Variants in SORCS3 observed in about 807,000 individuals in gnomAD.
The protein encoded by SORCS3 is VPS10 domain-containing receptor SorCS3.
A neutral mutation model predicts 146.3 loss-of-function variants in SORCS3; 57 were observed. The ratio of observed to expected loss-of-function variants is 0.39; its 90% CI spans 0.31 to 0.49. The LOEUF (loss-of-function observed/expected upper bound fraction) is 0.49. Among genes scored for constraint, SORCS3 ranks in the 20% least tolerant of loss-of-function variants. The probability of loss-of-function intolerance (pLI) is 0.92; values close to 1 mark genes in which losing one functional copy is unlikely to be tolerated. For missense variants in SORCS3, 1,341 were observed against 1,575.5 expected, an observed-to-expected ratio of 0.85 and a Z score of 2.52; for synonymous variants, 653 against 618.5, an observed-to-expected ratio of 1.06 and a Z score of -0.83.
At chr10:105,018,542 T>C (rs572782469) in intron 4 of SORCS3, among the ~76,000 whole-genome samples, 7 of 152,204 alleles carry the variant, frequency 4.6e-5, no homozygotes, top group Admixed American at 3.3e-4. Flanking sequence ...ACAACAAATA[T>C]AAAACACAGA....
intron 1 of SORCS3, among the ~76,000 whole-genome samples, chr10:104,830,660 G>A (rs956261965): frequency 6.6e-6 from 1 of 152,202 alleles, no homozygotes; most frequent in African/African-American, 2.4e-5. Context: ...TTTTAGAAAT[G>A]TAATTTGCAG....
At chr10:104,642,650 A>G (rs529588518) in intron 1 of SORCS3, among the ~76,000 whole-genome samples, 1 of 152,286 alleles carries the variant, frequency 6.6e-6, no homozygotes, top group African/African-American at 2.4e-5. Context: ...ACACCCATCC[A>G]GCGCTCATGC....
intron 1 of SORCS3, among the ~76,000 whole-genome samples, chr10:104,698,985 A>G (rs1307746127): frequency 1.3e-5 from 2 of 152,178 alleles, no homozygotes; most frequent in African/African-American, 2.4e-5. Context: ...CTATCACACT[A>G]TAAGCTCCAA....
At chr10:104,843,863 T>C (rs1380691064) in intron 2 of SORCS3, among the ~76,000 whole-genome samples, 1 of 152,184 alleles carries the variant, frequency 6.6e-6, no homozygotes, top group Non-Finnish European at 1.5e-5. Context: ...TTTCTCCCAT[T>C]TACCTTGTGA....
intron 1 of SORCS3, among the ~76,000 whole-genome samples, chr10:104,645,468 G>A (rs1252587451): frequency 6.6e-6 from 1 of 152,142 alleles, no homozygotes; most frequent in Non-Finnish European, 1.5e-5. Context: ...ACCCTTCATG[G>A]GGCCCCCATT....
chr10:104,911,060 G>A (rs995518247), intron 2 of SORCS3, among the ~76,000 whole-genome samples: 7 of 152,232 alleles, frequency 4.6e-5, no homozygotes, highest in African/African-American at 1.4e-4. Context: ...GCTGATGTCT[G>A]GAATCACAAA....
intron 4 of SORCS3, among the ~76,000 whole-genome samples, chr10:104,992,844 T>C (rs991480026): frequency 7.2e-5 from 11 of 152,112 alleles, no homozygotes; most frequent in Admixed American, 6.5e-4. Flanking sequence ...CCCTAACTAA[T>C]CTAGGTTTTT....
At chr10:105,081,686 A>G (rs1455592293) in intron 5 of SORCS3, among the ~76,000 whole-genome samples, 1 of 152,176 alleles carries the variant, frequency 6.6e-6, no homozygotes, top group East Asian at 1.9e-4. Flanking sequence ...CTGTGGTTCT[A>G]GGAGCTGATT....
intron 20 of SORCS3, among the ~76,000 whole-genome samples, chr10:105,244,632 A>G (rs2056855067): frequency 6.6e-6 from 1 of 152,222 alleles, no homozygotes; most frequent in East Asian, 1.9e-4. Flanking sequence ...AAAGATTAAT[A>G]AATGATCACA....
rs138501035 is a variant in SORCS3, at chr10:105,019,445, G to A, written c.955-23610G>A. On this transcript the variant is annotated intron_variant, in intron 4 of 26. Coordinates refer to ENST00000369701, the MANE Select transcript of SORCS3 (RefSeq NM_014978.3). Reference sequence around the variant, plus strand: ...TACTTCATGTTTTAGACATGTTTGAGTTGCATTATTTTCTGTAAACATTTG... The same window carrying A: ...TACTTCATGTTTTAGACATGTTTGAATTGCATTATTTTCTGTAAACATTTG... Among the ~76,000 whole-genome samples the A allele has an allele frequency of 1.1e-3, 169 of 152,228 alleles. 1 individual carries two copies. Among genetic ancestry groups the A allele is most frequent in the African/African-American group, 3.9e-3 (162 of 41,530 alleles).
At chr10:104,781,824 G>A (rs1243333894) in intron 1 of SORCS3, among the ~76,000 whole-genome samples, 4 of 152,204 alleles carry the variant, frequency 2.6e-5, no homozygotes, top group Admixed American at 6.5e-5. Context: ...CTGGCCTTTT[G>A]GTATCAGGGT....
chr10:104,766,464 G>A (rs1301727099), intron 1 of SORCS3, among the ~76,000 whole-genome samples: 5 of 152,224 alleles, frequency 3.3e-5, no homozygotes, highest in Non-Finnish European at 2.9e-5. Context: ...GCTTGTCTGT[G>A]TCTCATGTGA....
intron 1 of SORCS3, among the ~76,000 whole-genome samples, chr10:104,666,467 A>T (rs1033264016): frequency 6.6e-6 from 1 of 152,184 alleles, no homozygotes; most frequent in African/African-American, 2.4e-5. Context: ...CCTTGAATGG[A>T]GAATCTAACC....
chr10:104,730,256 T>C (rs146743232), intron 1 of SORCS3, among the ~76,000 whole-genome samples: 172 of 152,350 alleles, frequency 1.1e-3, no homozygotes, highest in African/African-American at 3.9e-3. Context: ...TATATACTGT[T>C]TGTATCGGCA....
In SORCS3 at chr10:104,915,888, A is replaced by G. The variant is rs1197078482; in HGVS notation, c.751A>G (p.Thr251Ala). ...EKLNDKVGLK[T>A]VLSYLYVNPT... is the part of the protein sequence containing the mutation. Reference sequence around the variant, plus strand: ...GCTGAATGACAAAGTGGGTTTGAAGACTGTCCTCAGTTACCTCTATGTCAA... The same window carrying G: ...GCTGAATGACAAAGTGGGTTTGAAGGCTGTCCTCAGTTACCTCTATGTCAA... The change falls in exon 3 of 27, where the codon ACT becomes GCT. Residue 251 changes from threonine (T) to alanine (A), a missense_variant. Transcript: ENST00000369701. 9.3e-6 allele frequency: 15 copies of G among 1,613,972 alleles called. No individual in the cohort carries two copies. The highest frequency in any genetic ancestry group is 1.3e-5 in the Non-Finnish European group (15 of 1,180,006).
In SORCS3 at chr10:105,158,887, T is replaced by G; in HGVS notation, c.1630-5T>G. 6.2e-7 allele frequency: 1 copy of G among 1,606,236 alleles called. No individual in the cohort carries two copies. The highest frequency in any genetic ancestry group is 8.5e-7 in the Non-Finnish European group (1 of 1,173,412). The stretch of plus-strand genomic sequence containing the variant: ...AGAATGAAACTATTTCTTTCTCCAT[T>G]TTAGCCCTTCTGTTCCTTACATCTG... On this transcript the variant is annotated splice_polypyrimidine_tract_variant and splice_region_variant and intron_variant, in intron 10 of 26. Coordinates refer to ENST00000369701, the MANE Select transcript of SORCS3 (RefSeq NM_014978.3).
At chr10:104,898,322 G>A (rs927624189) in intron 2 of SORCS3, among the ~76,000 whole-genome samples, 1 of 152,178 alleles carries the variant, frequency 6.6e-6, no homozygotes, top group African/African-American at 2.4e-5. Flanking sequence ...ATAGTGTCAG[G>A]CAAGTTATAG....
At chr10:104,970,228 C>T (rs2054852307) in intron 3 of SORCS3, among the ~76,000 whole-genome samples, 1 of 152,046 alleles carries the variant, frequency 6.6e-6, no homozygotes, top group African/African-American at 2.4e-5. Context: ...CTCACTGCAA[C>T]CTCCACCTCT....
chr10:104,831,689 C>T (rs2018002656), intron 1 of SORCS3, among the ~76,000 whole-genome samples: 1 of 152,188 alleles, frequency 6.6e-6, no homozygotes, highest in Non-Finnish European at 1.5e-5. Flanking sequence ...CTCTTTCTTT[C>T]AGTGTTTTGG....
Sources: gnomAD v4.1 joint callset for allele counts (sites outside exome capture counted in the v4.1 genomes callset) on GRCh38, gnomAD v4.1.1 for gene constraint, MANE v1.5 for transcripts, NCBI Gene and HGNC (gene_info 2026-07-23, HGNC 2026-07-21) for gene names.